The following NRXN1 variants were observed in gnomAD, a reference collection of about 807,000 sequenced individuals.
NRXN1 encodes neurexin 1.
NRXN1 carries 39 observed loss-of-function variants against 150.9 expected under a neutral mutation model. The observed-to-expected ratio is 0.26, with a 90% CI of 0.20 to 0.34. NRXN1 has a LOEUF of 0.34. Ranked by LOEUF, NRXN1 falls within the 10% of genes least tolerant of loss-of-function variation. The probability of loss-of-function intolerance (pLI) is 1.00; values close to 1 mark genes in which losing one functional copy is unlikely to be tolerated. For missense variants in NRXN1, 1,815 were observed against 1,949.9 expected (o/e 0.93, Z 1.30); for synonymous variants, 924 against 757.0 (o/e 1.22, Z -3.62).
At chr2:50,236,590 A>G (rs1243518272) in intron 18 of NRXN1, among the ~76,000 whole-genome samples, 199 bp downstream of exon 18, 1 of 151,996 alleles carries the variant, frequency 6.6e-6, no homozygotes, top group Non-Finnish European at 1.5e-5. Flanking sequence ...AAAAAAAAAA[A>G]AAAAGTTTGC....
At chr2:51,021,694 A>G (rs554818285) in intron 2 of NRXN1, among the ~76,000 whole-genome samples, 19 of 152,146 alleles carry the variant, frequency 1.2e-4, no homozygotes, top group African/African-American at 4.6e-4. Flanking sequence ...AATGTATAAG[A>G]GAGTCTCAAA....
At chr2:49,991,060 AT>A (rs1681855103) in intron 21 of NRXN1, among the ~76,000 whole-genome samples, 2 of 152,176 alleles carry the variant, frequency 1.3e-5, no homozygotes, top group South Asian at 4.1e-4. Flanking sequence ...TTGGAAAAAA[AT>A]AAAATAAATA....
intron 17 of NRXN1, among the ~76,000 whole-genome samples, chr2:50,377,461 T>C (rs1263249669): frequency 2.0e-5 from 3 of 152,212 alleles, no homozygotes; most frequent in East Asian, 1.9e-4. Context: ...TAGTATTCCA[T>C]GATGTATATG....
rs1668054194 is a variant in NRXN1, at chr2:51,012,576, T to A, written c.772+14926A>T. On this transcript the variant is annotated intron_variant, in intron 2 of 22. Coordinates refer to ENST00000401669, the MANE Select transcript of NRXN1 (RefSeq NM_001330078.2). ...TGGATGCCTGAATTGTTTAGACTTG[T>A]ATTTAGGTTTCAAGCCCTTTATTTG... is the stretch of plus-strand genomic sequence containing the variant. Among the ~76,000 whole-genome samples, 3 of 152,080 alleles carry A rather than the reference T, an allele frequency of 2.0e-5. No individual in the cohort carries two copies. The South Asian group carries it at 6.2e-4, about 31-fold the overall frequency.
At chr2:49,947,503 C>CTTTTTT (rs376145888) in intron 21 of NRXN1, among the ~76,000 whole-genome samples, 25 of 134,052 alleles carry the variant, frequency 1.9e-4, no homozygotes, top group Non-Finnish European at 2.6e-4. Context: ...TTTTTTCTTT[C>CTTTTTT]TTTTTTTTTT....
intron 18 of NRXN1, among the ~76,000 whole-genome samples, chr2:50,233,593 G>A (rs996633905): frequency 6.6e-6 from 1 of 151,888 alleles, no homozygotes; most frequent in Admixed American, 6.6e-5. Context: ...TATCAAATAA[G>A]GATGAAAATA....
At chr2:50,917,698 C>G (rs529279293) in intron 5 of NRXN1, 1 of 151,736 alleles carries the variant, frequency 6.6e-6, no homozygotes, top group Admixed American at 6.6e-5. Context: ...GATCTATGAA[C>G]CAGGAAGCAA....
intron 5 of NRXN1, among the ~76,000 whole-genome samples, chr2:50,736,231 C>A (rs1225237250): frequency 6.6e-6 from 1 of 152,096 alleles, no homozygotes. Context: ...TTTTCCTTTA[C>A]ATTAAACATC....
At chr2:50,877,803 G>A (rs1352195853) in intron 5 of NRXN1, among the ~76,000 whole-genome samples, 3 of 151,874 alleles carry the variant, frequency 2.0e-5, no homozygotes, top group Non-Finnish European at 4.4e-5. Context: ...AGGAGCCAGA[G>A]GAGCTTAGCA....
intron 18 of NRXN1, among the ~76,000 whole-genome samples, chr2:50,224,064 T>A (rs191666234): frequency 2.6e-5 from 4 of 152,126 alleles, no homozygotes; most frequent in Admixed American, 2.6e-4. Context: ...ACTTTGTTGT[T>A]ATTTAGTGCA....
intron 18 of NRXN1, among the ~76,000 whole-genome samples, chr2:50,101,254 T>C (rs1453469548): frequency 6.6e-6 from 1 of 152,090 alleles, no homozygotes; most frequent in Non-Finnish European, 1.5e-5. Context: ...CTTTGTTTAT[T>C]CTGCATCTGC....
chr2:50,992,105 G>A (rs1698623395), intron 2 of NRXN1, among the ~76,000 whole-genome samples: 1 of 151,962 alleles, frequency 6.6e-6, no homozygotes, highest in South Asian at 2.1e-4. Flanking sequence ...GAGACAGAAA[G>A]AGAGAGAGAA....
chr2:50,489,399 G>T (rs1354449129), intron 15 of NRXN1, among the ~76,000 whole-genome samples: 1 of 152,140 alleles, frequency 6.6e-6, no homozygotes, highest in Admixed American at 6.5e-5. Flanking sequence ...CTTCACCAAT[G>T]AATCCACACA....
chr2:50,242,597 C>T (rs908541774), intron 17 of NRXN1, among the ~76,000 whole-genome samples: 1 of 151,520 alleles, frequency 6.6e-6, no homozygotes, highest in Non-Finnish European at 1.5e-5. Flanking sequence ...TGAGTTTCTA[C>T]CTATAATATG....
At chr2:50,845,639 C>T (rs1393294758) in intron 5 of NRXN1, among the ~76,000 whole-genome samples, 2 of 152,128 alleles carry the variant, frequency 1.3e-5, no homozygotes, top group African/African-American at 2.4e-5. Context: ...AACTCTACTG[C>T]CTAGAGTGGT....
chr2:50,215,085 C>T (rs1424943600), intron 18 of NRXN1, among the ~76,000 whole-genome samples: 4 of 151,924 alleles, frequency 2.6e-5, no homozygotes, highest in Non-Finnish European at 5.9e-5. Flanking sequence ...TATCTAATTA[C>T]CTTCCTATTC....
chr2:50,026,655 T>TAA (rs981559532), intron 21 of NRXN1, among the ~76,000 whole-genome samples: 13 of 151,960 alleles, frequency 8.6e-5, no homozygotes, highest in African/African-American at 3.1e-4. Context: ...CATAGAATTT[T>TAA]AAAAAAATTC....
Position 50,621,200 on chromosome 2 carries a change from T to A in NRXN1, c.1158+26A>T, listed in dbSNP as rs201802152. ...AAAATAAGAAACAATTAGAATGATA[T>A]CTACCGAACAATGTAGTTTGTTTAC... On this transcript the variant is annotated intron_variant, in intron 7 of 22. Transcript: ENST00000401669. 9.1e-4 allele frequency: 1,422 copies of A among 1,554,320 alleles called. 4 individuals are homozygous for A. The highest frequency in any genetic ancestry group is 4.2e-3 in the South Asian group (347 of 83,562).
At chr2:50,028,697 A>G (rs1398820784) in intron 21 of NRXN1, among the ~76,000 whole-genome samples, 3 of 152,246 alleles carry the variant, frequency 2.0e-5, no homozygotes, top group Non-Finnish European at 4.4e-5. Context: ...ATATAACAAT[A>G]TAATGAAAGG....
Sources: allele counts gnomAD v4.1 joint callset (sites outside exome capture counted in the v4.1 genomes callset), GRCh38; gene constraint gnomAD v4.1.1; transcripts MANE v1.5; gene names NCBI Gene and HGNC (gene_info 2026-07-23, HGNC 2026-07-21).